Variants in AKR1C8 observed in about 807,000 individuals in gnomAD.
AKR1C8 encodes aldo-keto reductase family 1 member C8, also known as aldo-keto reductase family 1 member C-like protein 1.
At chr10:5,117,689 G>T in the AKR1C8 span, among the ~76,000 whole-genome samples, 1 of 152,106 alleles carries the variant, frequency 6.6e-6, no homozygotes, top group Non-Finnish European at 1.5e-5. Flanking sequence ...CTTTGGTGAG[G>T]TCTTCAGGCT....
chr10:5,159,721 C>A, the AKR1C8 span, among the ~76,000 whole-genome samples: 1 of 152,168 alleles, frequency 6.6e-6, no homozygotes, highest in African/African-American at 2.4e-5. Context: ...TTGTGCTCTT[C>A]CACCCCACTC....
chr10:5,166,447 C>T, the AKR1C8 span, among the ~76,000 whole-genome samples: 1 of 152,054 alleles, frequency 6.6e-6, no homozygotes, highest in African/African-American at 2.4e-5. Context: ...GAGATATAGA[C>T]CAACGGAACA....
At chr10:5,145,518 C>T in the AKR1C8 span, among the ~76,000 whole-genome samples, 4 of 152,174 alleles carry the variant, frequency 2.6e-5, no homozygotes, top group East Asian at 1.9e-4. Context: ...ACAAACAACC[C>T]CATCAAAAAG....
chr10:5,135,890 T>C, the AKR1C8 span, among the ~76,000 whole-genome samples: 1 of 152,152 alleles, frequency 6.6e-6, no homozygotes, highest in Non-Finnish European at 1.5e-5. Flanking sequence ...CTTTGCATTG[T>C]AGAAGGAATA....
At chr10:5,142,879 G>C in the AKR1C8 span, among the ~76,000 whole-genome samples, 7 of 152,174 alleles carry the variant, frequency 4.6e-5, no homozygotes, top group South Asian at 1.5e-3. Context: ...TAACAGGCTT[G>C]TTCAATGCAG....
chr10:5,152,064 A>G, the AKR1C8 span, among the ~76,000 whole-genome samples: 1 of 152,190 alleles, frequency 6.6e-6, no homozygotes, highest in Non-Finnish European at 1.5e-5. Flanking sequence ...ATTTTAGTAT[A>G]GCATTTAAAC....
At chr10:5,152,428 G>A in the AKR1C8 span, among the ~76,000 whole-genome samples, 1 of 152,176 alleles carries the variant, frequency 6.6e-6, no homozygotes. Context: ...ACTTGTATAA[G>A]TAGCTTTGTG....
the AKR1C8 span, among the ~76,000 whole-genome samples, chr10:5,166,198 AATGGCCATACTGCCC>A: frequency 6.6e-6 from 1 of 152,080 alleles, no homozygotes; most frequent in African/African-American, 2.4e-5. Context: ...GAAGAAAAAA[AATGGCCATACTGCCC>A]AAGGTAATTT....
the AKR1C8 span, chr10:5,132,773 G>A: frequency 7.8e-7 from 1 of 1,280,134 alleles, no homozygotes; most frequent in Non-Finnish European, 1.1e-6. Context: ...TAGGAACCCG[G>A]AGGAGTAATG....
the AKR1C8 span, among the ~76,000 whole-genome samples, chr10:5,124,197 G>T: frequency 1.1e-3 from 166 of 152,190 alleles, 1 homozygote; most frequent in Middle Eastern, 6.8e-3. Flanking sequence ...GGTTTAAAAT[G>T]CAAAATAAGT....
At chr10:5,118,900 ATC>A in the AKR1C8 span, among the ~76,000 whole-genome samples, 2 of 151,314 alleles carry the variant, frequency 1.3e-5, no homozygotes, top group Non-Finnish European at 2.9e-5. Flanking sequence ...GAAAAATACT[ATC>A]TCTATATGCC....
At chr10:5,152,556 C>T in the AKR1C8 span, among the ~76,000 whole-genome samples, 1 of 152,138 alleles carries the variant, frequency 6.6e-6, no homozygotes, top group Non-Finnish European at 1.5e-5. Flanking sequence ...TCTAGAAAAC[C>T]TCATCTGTGG....
At chr10:5,146,945 A>G in the AKR1C8 span, among the ~76,000 whole-genome samples, 5 of 152,166 alleles carry the variant, frequency 3.3e-5, no homozygotes, top group African/African-American at 1.2e-4. Flanking sequence ...ATACTGTCTT[A>G]GTACATTTGT....
chr10:5,150,489 A>G, the AKR1C8 span, among the ~76,000 whole-genome samples: 1 of 152,246 alleles, frequency 6.6e-6, no homozygotes, highest in South Asian at 2.1e-4. Context: ...ATCACACTCA[A>G]AGAAAGTTAA....
the AKR1C8 span, among the ~76,000 whole-genome samples, chr10:5,129,518 C>T: frequency 1.3e-5 from 2 of 152,002 alleles, no homozygotes; most frequent in East Asian, 1.9e-4. Context: ...ACTTGATAGA[C>T]CATTAGTGAG....
At chr10:5,126,567 C>T in the AKR1C8 span, among the ~76,000 whole-genome samples, 6 of 152,058 alleles carry the variant, frequency 3.9e-5, no homozygotes, top group East Asian at 1.2e-3. Flanking sequence ...TGGTTCCTAT[C>T]CAGAGATACC....
chr10:5,151,319 C>A, the AKR1C8 span, among the ~76,000 whole-genome samples: 2 of 151,382 alleles, frequency 1.3e-5, no homozygotes, highest in African/African-American at 4.9e-5. Context: ...TATATTAGTC[C>A]TACTAAAGCA....
the AKR1C8 span, among the ~76,000 whole-genome samples, chr10:5,136,927 TA>T: frequency 4.6e-5 from 7 of 152,186 alleles, no homozygotes; most frequent in African/African-American, 1.7e-4. Context: ...ATTTTATAGC[TA>T]TTAAAAGTCA....
the AKR1C8 span, among the ~76,000 whole-genome samples, chr10:5,138,128 A>G: frequency 0.27 from 40,382 of 148,646 alleles, 6,460 homozygotes; most frequent in Non-Finnish European, 0.35. Flanking sequence ...CAGGGTTCGA[A>G]AGCAGAGAAC....
Sources: gnomAD v4.1 joint callset for allele counts (sites outside exome capture counted in the v4.1 genomes callset) on GRCh38, gnomAD v4.1.1 for gene constraint, MANE v1.5 for transcripts, NCBI Gene and HGNC (gene_info 2026-07-23, HGNC 2026-07-21) for gene names.